The following FOXP2 variants were observed in gnomAD, a reference collection of about 807,000 sequenced individuals.
FOXP2 encodes forkhead box protein P2.
FOXP2 carries 12 observed loss-of-function variants against 115.8 expected under a neutral mutation model. That is an observed-to-expected ratio of 0.10 (90% CI 0.07 to 0.17). The LOEUF is 0.17. Among genes scored for constraint, FOXP2 ranks in the 10% least tolerant of loss-of-function variants. The pLI is 1.00. For missense variants in FOXP2, 629 were observed against 843.5 expected (o/e 0.75, Z 3.15); for synonymous variants, 328 against 297.7 (o/e 1.10, Z -1.05).
chr7:114,492,341 G>GTCAA (rs1797102934), intron 2 of FOXP2, among the ~76,000 whole-genome samples: 1 of 151,876 alleles, frequency 6.6e-6, no homozygotes, highest in Admixed American at 6.6e-5. Context: ...TATCAATTTT[G>GTCAA]TTGATCTTTT....
chr7:114,113,867 T>C (rs533274361), intron 1 of FOXP2, among the ~76,000 whole-genome samples: 25 of 152,148 alleles, frequency 1.6e-4, no homozygotes, highest in Middle Eastern at 3.4e-3. Context: ...ATTTTTGGGG[T>C]AAATAATTTT....
At chr7:114,557,782 ACTG>A (rs1405928451) in intron 3 of FOXP2, among the ~76,000 whole-genome samples, 1 of 147,938 alleles carries the variant, frequency 6.8e-6, no homozygotes, top group East Asian at 1.9e-4. Context: ...TTGACACTGA[ACTG>A]ACTTTATTTA....
intron 2 of FOXP2, among the ~76,000 whole-genome samples, chr7:114,342,929 A>T (rs1237559951): frequency 6.6e-6 from 1 of 151,604 alleles, no homozygotes; most frequent in Non-Finnish European, 1.5e-5. Flanking sequence ...TAGAGAAGAA[A>T]TGTTCAGAAA....
chr7:114,415,102 T>G lies in FOXP2; in HGVS notation c.-269T>G. The stretch of plus-strand genomic sequence containing the variant: ...ACGGACGCCAAAACAATCACAGAGC[T>G]GCTTGATTTGTTTTAATTACCAGCA... On this transcript the variant is annotated 5_prime_UTR_variant, in exon 1 of 17. Transcript: ENST00000350908. 2.2e-6 allele frequency: 1 copy of G among 454,292 alleles called. No homozygotes were observed. The highest frequency in any genetic ancestry group is 4.4e-6 in the Non-Finnish European group (1 of 226,684). 28.1% of individuals were successfully genotyped at this position (454,292 alleles called of 1,614,324 possible).
chr7:114,226,134 A>C (rs1794741788), intron 1 of FOXP2, among the ~76,000 whole-genome samples: 1 of 152,196 alleles, frequency 6.6e-6, no homozygotes, highest in Admixed American at 6.6e-5. Context: ...AAAATGTTTT[A>C]CCTTCCATTT....
intron 3 of FOXP2, among the ~76,000 whole-genome samples, chr7:114,552,422 T>A (rs1228093209): frequency 6.6e-6 from 1 of 152,188 alleles, no homozygotes; most frequent in Non-Finnish European, 1.5e-5. Context: ...AGCTCTAAAA[T>A]TTTGTTATCT....
rs1427201530 is a variant in FOXP2, at chr7:114,294,866, AC to A, written c.-11+6758del. ...AAAATAAATAAATAAATAAATAAATACATACATACATACATACATACATACA... is the reference window on the plus strand; with the variant it reads ...AAAATAAATAAATAAATAAATAAATAATACATACATACATACATACATACA... On this transcript the variant is annotated intron_variant, in intron 2 of 17. Transcript: ENST00000634411. Among the ~76,000 whole-genome samples, 1,382 of 138,558 alleles carry A rather than the reference AC, an allele frequency of 1.0e-2. 7 individuals are homozygous for A. The highest frequency in any genetic ancestry group is 0.024 in the African/African-American group (792 of 32,504). 90.9% of individuals were successfully genotyped at this position (138,558 alleles called of 152,430 possible).
rs115556356 is a variant in FOXP2, at chr7:114,616,097, G to A, written c.259-12443G>A. ...CAGGAACCTTTTATGTCTTGTTCTTGTAGAATTCCTAGCATCTCATATGTA... is the reference window on the plus strand; with the variant it reads ...CAGGAACCTTTTATGTCTTGTTCTTATAGAATTCCTAGCATCTCATATGTA... On this transcript the variant is annotated intron_variant, in intron 3 of 16. Transcript: ENST00000350908. 2.3e-3 allele frequency among the ~76,000 whole-genome samples: 354 copies of A among 152,112 alleles called. 1 individual carries two copies. Among genetic ancestry groups the A allele is most frequent in the African/African-American group, 7.7e-3 (320 of 41,504 alleles).
At chr7:114,684,417 G>A (rs1808249936) in intron 16 of FOXP2, among the ~76,000 whole-genome samples, 1 of 152,140 alleles carries the variant, frequency 6.6e-6, no homozygotes, top group African/African-American at 2.4e-5. Context: ...GCTCACATCT[G>A]TATCTAAAAC....
intron 2 of FOXP2, among the ~76,000 whole-genome samples, chr7:114,474,120 A>G (rs1043268609): frequency 1.3e-5 from 2 of 152,318 alleles, no homozygotes; most frequent in African/African-American, 4.8e-5. Flanking sequence ...GAGATTGCAT[A>G]CTGGCATATG....
chr7:114,693,744 A>C lies in FOXP2; in HGVS notation c.*3818A>C, dbSNP rs892828287. On this transcript the variant is annotated 3_prime_UTR_variant, in exon 17 of 17. Transcript: ENST00000350908. ...TTACATTTCTGAAGTATAAATAAAAAAATCTAATTCTTTTTGACCCATTTA... is the reference window on the plus strand; with the variant it reads ...TTACATTTCTGAAGTATAAATAAAACAATCTAATTCTTTTTGACCCATTTA... 2 of 311,060 alleles carry C rather than the reference A, an allele frequency of 6.4e-6. No homozygotes were observed. Among genetic ancestry groups the C allele is most frequent in the African/African-American group, 4.4e-5 (2 of 45,174 alleles). The allele number at this position is 311,060 out of a possible 1,614,324, so 19.3% of individuals were successfully genotyped here.
At chr7:114,306,376 A>G (rs985391739) in intron 2 of FOXP2, among the ~76,000 whole-genome samples, 1 of 152,130 alleles carries the variant, frequency 6.6e-6, no homozygotes, top group African/African-American at 2.4e-5. Context: ...CAGCTGAGGA[A>G]CACTCAGCTA....
chr7:114,415,741 G>A (rs550213740), intron 1 of FOXP2, among the ~76,000 whole-genome samples: 34 of 152,002 alleles, frequency 2.2e-4, no homozygotes, highest in Admixed American at 1.8e-3. Context: ...GTGTCAGGGC[G>A]CAAGTTTTTG....
chr7:114,100,288 GT>G (rs769065923), intron 1 of FOXP2, among the ~76,000 whole-genome samples: 1 of 151,886 alleles, frequency 6.6e-6, no homozygotes, highest in Non-Finnish European at 1.5e-5. Flanking sequence ...TATTCTTTAT[GT>G]ATTAATATTC....
intron 2 of FOXP2, among the ~76,000 whole-genome samples, chr7:114,399,271 C>G (rs1792819122): frequency 6.6e-6 from 1 of 151,974 alleles, no homozygotes; most frequent in African/African-American, 2.4e-5. Flanking sequence ...CCATGCCTGG[C>G]TAACTTTTGT....
At chr7:114,453,316 G>A (rs1158194983) in intron 2 of FOXP2, among the ~76,000 whole-genome samples, 1 of 152,026 alleles carries the variant, frequency 6.6e-6, no homozygotes, top group African/African-American at 2.4e-5. Flanking sequence ...AGGTTTAGTT[G>A]TTGACTGAGG....
intron 2 of FOXP2, among the ~76,000 whole-genome samples, chr7:114,363,941 A>G (rs183635645): frequency 7.4e-4 from 113 of 152,324 alleles, no homozygotes; most frequent in Non-Finnish European, 1.6e-3. Context: ...AATTTTCATT[A>G]AAAATATTTT....
intron 3 of FOXP2, among the ~76,000 whole-genome samples, chr7:114,537,572 G>A (rs1799458985): frequency 6.6e-6 from 1 of 151,532 alleles, no homozygotes; most frequent in Non-Finnish European, 1.5e-5. Flanking sequence ...ACATGGTACA[G>A]AGTCTATTTT....
chr7:114,527,734 G>A (rs1040648767), intron 2 of FOXP2, among the ~76,000 whole-genome samples: 44 of 152,012 alleles, frequency 2.9e-4, no homozygotes, highest in Non-Finnish European at 2.9e-5. Context: ...TAGTAGTGGC[G>A]CAGCTGTTCT....
Sources: allele counts gnomAD v4.1 joint callset (sites outside exome capture counted in the v4.1 genomes callset), GRCh38; gene constraint gnomAD v4.1.1; transcripts MANE v1.5; gene names NCBI Gene and HGNC (gene_info 2026-07-23, HGNC 2026-07-21).